Variants in AOPEP observed in about 807,000 individuals in gnomAD.
AOPEP encodes the protein aminopeptidase O (putative).
A neutral mutation model predicts 98.1 loss-of-function variants in AOPEP; 77 were observed. That is an observed-to-expected ratio of 0.78 (90% CI 0.65 to 0.95). The LOEUF (loss-of-function observed/expected upper bound fraction) is 0.95. AOPEP is among the 40% of genes least tolerant of loss of function. The pLI is 0.00. For synonymous variants in AOPEP, 346 were observed against 365.3 expected (o/e 0.95, Z 0.60); for missense variants, 1,024 against 1,024.7 (o/e 1.00, Z 0.01).
intron 13 of AOPEP, among the ~76,000 whole-genome samples, chr9:95,014,944 A>G (rs554520065): frequency 1.3e-5 from 2 of 152,358 alleles, no homozygotes; most frequent in South Asian, 4.1e-4. Context: ...GAAAATACCA[A>G]AGAGACATGA....
At chr9:94,999,904 C>T (rs2061453609) in intron 11 of AOPEP, among the ~76,000 whole-genome samples, 1 of 152,096 alleles carries the variant, frequency 6.6e-6, no homozygotes, top group Non-Finnish European at 1.5e-5. Flanking sequence ...AAGAACTAAG[C>T]ATTGTACATG....
intron 3 of AOPEP, among the ~76,000 whole-genome samples, chr9:94,783,278 C>T (rs1164701241): frequency 6.6e-6 from 1 of 152,210 alleles, no homozygotes; most frequent in African/African-American, 2.4e-5. Context: ...GTCATTCTCT[C>T]TTGCCTCTCC....
At chr9:95,018,518 G>A (rs1423414756) in intron 13 of AOPEP, among the ~76,000 whole-genome samples, 2 of 152,184 alleles carry the variant, frequency 1.3e-5, no homozygotes, top group African/African-American at 4.8e-5. Context: ...ATCTTCATGC[G>A]TCAGTTGGAG....
At chr9:94,755,525 G>A (rs1419674556) in intron 1 of AOPEP, among the ~76,000 whole-genome samples, 1 of 152,198 alleles carries the variant, frequency 6.6e-6, no homozygotes, top group Non-Finnish European at 1.5e-5. Context: ...TGGAAATCAT[G>A]CAGAAGTGAC....
intron 5 of AOPEP, among the ~76,000 whole-genome samples, chr9:94,869,948 AGAGG>A: frequency 6.8e-6 from 1 of 146,712 alleles, no homozygotes; most frequent in Admixed American, 6.8e-5. Flanking sequence ...CTCAGGCAGG[AGAGG>A]GAGGAATAGA....
intron 3 of AOPEP, among the ~76,000 whole-genome samples, chr9:94,778,935 A>C (rs921890745): frequency 2.0e-5 from 3 of 152,102 alleles, no homozygotes; most frequent in Non-Finnish European, 2.9e-5. Context: ...AGGCTGAGGC[A>C]AGAGAATTGC....
intron 1 of AOPEP, among the ~76,000 whole-genome samples, chr9:94,749,268 G>A (rs1312716212): frequency 1.3e-5 from 2 of 152,160 alleles, no homozygotes; most frequent in Non-Finnish European, 2.9e-5. Context: ...AGCTCTTTCA[G>A]GTTGGTTCCT....
At chr9:94,876,337 TA>T (rs2046933843) in intron 5 of AOPEP, among the ~76,000 whole-genome samples, 1 of 151,996 alleles carries the variant, frequency 6.6e-6, no homozygotes, top group Admixed American at 6.6e-5. Context: ...GTTGCTCTCA[TA>T]AACACATCAG....
intron 10 of AOPEP, among the ~76,000 whole-genome samples, chr9:94,969,100 C>T (rs1033932103): frequency 1.3e-5 from 2 of 152,128 alleles, no homozygotes; most frequent in Non-Finnish European, 2.9e-5. Context: ...AACCTATGCT[C>T]TTATCTACTT....
chr9:95,108,327 C>T, the AOPEP span, among the ~76,000 whole-genome samples: 1 of 152,214 alleles, frequency 6.6e-6, no homozygotes, highest in Non-Finnish European at 1.5e-5. Flanking sequence ...CGCCCCTCAG[C>T]CGGCCCAGCC....
At chr9:94,768,546 T>C (rs1193701082) in intron 2 of AOPEP, among the ~76,000 whole-genome samples, 1 of 152,244 alleles carries the variant, frequency 6.6e-6, no homozygotes, top group African/African-American at 2.4e-5. Flanking sequence ...CTCATCCTCA[T>C]TTGACCACTC....
intron 5 of AOPEP, among the ~76,000 whole-genome samples, chr9:94,880,241 T>G (rs895918281): frequency 1.3e-5 from 2 of 152,232 alleles, no homozygotes; most frequent in African/African-American, 4.8e-5. Context: ...GTTAACAGGA[T>G]AGCTGAAAGG....
intron 5 of AOPEP, among the ~76,000 whole-genome samples, chr9:94,835,461 G>T (rs779799001): frequency 2.6e-5 from 4 of 152,140 alleles, no homozygotes; most frequent in Non-Finnish European, 5.9e-5. Context: ...GATGGAAAGG[G>T]ATACAGAAAA....
At chr9:94,797,993 C>T (rs1038530284) in intron 4 of AOPEP, among the ~76,000 whole-genome samples, 4 of 152,170 alleles carry the variant, frequency 2.6e-5, no homozygotes, top group African/African-American at 9.7e-5. Context: ...CATGAGCCAC[C>T]ATGTCTGGCC....
intron 7 of AOPEP, chr9:94,933,083 C>T (rs938094839): frequency 6.4e-5 from 63 of 985,566 alleles, no homozygotes; most frequent in Non-Finnish European, 7.5e-5. Context: ...CTGGGCAGAA[C>T]TCTTCCCCAG....
chr9:94,751,994 G>A (rs1398786716), intron 1 of AOPEP, among the ~76,000 whole-genome samples: 1 of 149,368 alleles, frequency 6.7e-6, no homozygotes, highest in East Asian at 2.0e-4. Context: ...TCAGGCTCAA[G>A]CAATCCTCCC....
rs996692757 is a variant in AOPEP at position 95,015,688 on chromosome 9, G to C, written c.2115+10072G>C. On this transcript the variant is annotated intron_variant, in intron 13 of 16. Coordinates refer to ENST00000375315, the MANE Select transcript of AOPEP (RefSeq NM_001193329.3). ...ATCGGAACAGTTTGGATCTCTATAA[G>C]GGAAGTCATCACTTTGGGTATTTTC... Among the ~76,000 whole-genome samples, 13 of 152,284 alleles carry C rather than the reference G, an allele frequency of 8.5e-5. No homozygotes were observed. In the East Asian group the frequency reaches 2.5e-3, roughly 29 times the overall value.
chr9:94,860,873 T>G (rs1030830345), intron 5 of AOPEP, among the ~76,000 whole-genome samples: 1 of 152,182 alleles, frequency 6.6e-6, no homozygotes, highest in Admixed American at 6.5e-5. Flanking sequence ...TTCTGTCCAT[T>G]TCAAAGTCAT....
chr9:95,101,697 T>G, the AOPEP span: 1 of 1,613,592 alleles, frequency 6.2e-7, no homozygotes, highest in Non-Finnish European at 8.5e-7. Flanking sequence ...CCACACGGCC[T>G]GCGTGCCTTC....
Sources: allele counts gnomAD v4.1 joint callset (sites outside exome capture counted in the v4.1 genomes callset), GRCh38; gene constraint gnomAD v4.1.1; transcripts MANE v1.5; gene names NCBI Gene and HGNC (gene_info 2026-07-23, HGNC 2026-07-21).